The following PLD5 variants were observed in gnomAD, a reference collection of about 807,000 sequenced individuals.
The protein encoded by PLD5 is phospholipase D family member 5, also known as inactive phospholipase D5.
Under a neutral mutation model 61.1 loss-of-function variants are expected in PLD5, and 36 were observed. The ratio of observed to expected loss-of-function variants is 0.59; its 90% CI spans 0.45 to 0.78. PLD5 has a LOEUF of 0.78. PLD5 is among the 30% of genes least tolerant of loss of function. PLD5 has a pLI of 0.00. For missense variants in PLD5, 515 were observed against 644.4 expected (o/e 0.80, Z 2.17); for synonymous variants, 243 against 242.8 (o/e 1.00, Z -0.01).
At chr1:242,482,796 G>A (rs866004368) in intron 1 of PLD5, among the ~76,000 whole-genome samples, 126 of 152,284 alleles carry the variant, frequency 8.3e-4, no homozygotes, top group Middle Eastern at 6.8e-3. Flanking sequence ...AAATGTTAAG[G>A]GCAGCCAGAG....
intron 5 of PLD5, among the ~76,000 whole-genome samples, chr1:242,187,539 T>C (rs1003659125): frequency 5.3e-5 from 8 of 152,332 alleles, no homozygotes; most frequent in Non-Finnish European, 8.8e-5. Flanking sequence ...AAAATCTATA[T>C]GCAGATAGAA....
intron 1 of PLD5, among the ~76,000 whole-genome samples, chr1:242,470,036 G>A (rs1418717609): frequency 1.3e-5 from 2 of 152,120 alleles, no homozygotes; most frequent in East Asian, 1.9e-4. Context: ...AAACCAGATG[G>A]GTGCCAAGAA....
chr1:242,129,211 T>TA (rs1663045084), intron 5 of PLD5, among the ~76,000 whole-genome samples: 1 of 152,206 alleles, frequency 6.6e-6, no homozygotes, highest in South Asian at 2.1e-4. Flanking sequence ...TCGCATAAAC[T>TA]AAGCTGCTGA....
intron 5 of PLD5, among the ~76,000 whole-genome samples, chr1:242,209,690 A>G (rs971712092): frequency 6.6e-6 from 1 of 152,032 alleles, no homozygotes; most frequent in African/African-American, 2.4e-5. Context: ...TGGGCCGCCT[A>G]TTTCCTAAGA....
At chr1:242,140,676 A>C (rs1004393447) in intron 5 of PLD5, among the ~76,000 whole-genome samples, 4 of 152,194 alleles carry the variant, frequency 2.6e-5, no homozygotes, top group African/African-American at 9.7e-5. Flanking sequence ...TATTTTCTGG[A>C]AGGTGGTGCA....
chr1:242,162,121 G>A (rs960216758), intron 5 of PLD5, among the ~76,000 whole-genome samples: 2 of 152,098 alleles, frequency 1.3e-5, no homozygotes, highest in African/African-American at 4.8e-5. Context: ...TTAACAAGTT[G>A]GGGTTGGAAG....
At chr1:242,373,555 G>A (rs1251900107) in intron 1 of PLD5, among the ~76,000 whole-genome samples, 3 of 152,132 alleles carry the variant, frequency 2.0e-5, no homozygotes. Flanking sequence ...CAACCGAAAT[G>A]TCCATCAATG....
At chr1:242,480,461 G>T (rs1246716217) in intron 1 of PLD5, among the ~76,000 whole-genome samples, 1 of 151,532 alleles carries the variant, frequency 6.6e-6, no homozygotes, top group Admixed American at 6.6e-5. Flanking sequence ...TCTTAAAGAG[G>T]ATATAAACAA....
chr1:242,407,273 G>A (rs77660457), intron 1 of PLD5, among the ~76,000 whole-genome samples: 9,408 of 131,948 alleles, frequency 0.071, 376 homozygotes, highest in Middle Eastern at 0.19. Flanking sequence ...AGTTCACCAC[G>A]TGGAACTGTG....
At chr1:242,241,509 T>C (rs1276465901) in intron 4 of PLD5, among the ~76,000 whole-genome samples, 1 of 152,178 alleles carries the variant, frequency 6.6e-6, no homozygotes, top group Non-Finnish European at 1.5e-5. Flanking sequence ...ATTAGCTAAC[T>C]TCCTAGACTC....
chr1:242,529,411 CATT>C (rs1229278074), upstream of PLD5, among the ~76,000 whole-genome samples: 2 of 152,078 alleles, frequency 1.3e-5, no homozygotes, highest in Admixed American at 6.6e-5. Context: ...TCCTCAGAGG[CATT>C]ATATCACTTT....
At chr1:242,436,575 C>T (rs866158889) in intron 1 of PLD5, among the ~76,000 whole-genome samples, 7 of 152,244 alleles carry the variant, frequency 4.6e-5, no homozygotes, top group Non-Finnish European at 8.8e-5. Context: ...ATCCAAAGGA[C>T]ACAGACAAAA....
At chr1:242,116,510 C>T (rs1057279287) in intron 6 of PLD5, among the ~76,000 whole-genome samples, 15 of 152,130 alleles carry the variant, frequency 9.9e-5, no homozygotes, top group Non-Finnish European at 2.1e-4. Flanking sequence ...CAACTGATCC[C>T]GTCACCCAGG....
chr1:242,201,481 A>C (rs1240493635), intron 5 of PLD5, among the ~76,000 whole-genome samples: 1 of 152,098 alleles, frequency 6.6e-6, no homozygotes, highest in Non-Finnish European at 1.5e-5. Context: ...GGTCTGATGG[A>C]GACTCAGAGG....
intron 5 of PLD5, among the ~76,000 whole-genome samples, chr1:242,142,934 T>C (rs1664283432): frequency 6.6e-6 from 1 of 151,944 alleles, no homozygotes; most frequent in Non-Finnish European, 1.5e-5. Context: ...GCCAGGCTGC[T>C]CTTGAACTCC....
rs137887687 is a variant in PLD5, at chr1:242,110,047, A to T, written c.1071-2208T>A. On this transcript the variant is annotated intron_variant, in intron 7 of 9. Transcript: ENST00000536534. ...ACATTATATTATTATATTATTATAT[A>T]TAATATAGATATTATATTACTATAT... is the stretch of plus-strand genomic sequence containing the variant. Among the ~76,000 whole-genome samples, 6 of 147,462 alleles carry T rather than the reference A, an allele frequency of 4.1e-5. No homozygotes were observed. In the Admixed American group the frequency reaches 4.1e-4, roughly 10 times the overall value.
chr1:242,439,548 G>A (rs1294882557), intron 1 of PLD5, among the ~76,000 whole-genome samples: 18 of 152,244 alleles, frequency 1.2e-4, no homozygotes, highest in Middle Eastern at 3.4e-3. Flanking sequence ...AGCAGCTAGC[G>A]GTCCATAAAT....
chr1:242,437,508 C>T (rs957084609), intron 1 of PLD5, among the ~76,000 whole-genome samples: 1 of 152,052 alleles, frequency 6.6e-6, no homozygotes, highest in African/African-American at 2.4e-5. Flanking sequence ...ACCAGCCTGG[C>T]CAACATGGAA....
At chr1:242,090,241 T>C (rs765058152) in intron 9 of PLD5, 131 bp from the exon 10 acceptor site, 46 of 1,198,704 alleles carry the variant, frequency 3.8e-5, no homozygotes, top group Non-Finnish European at 5.2e-5. Context: ...GGCTGAATTG[T>C]GTTGACAGCT....
Sources: allele counts gnomAD v4.1 joint callset (sites outside exome capture counted in the v4.1 genomes callset), GRCh38; gene constraint gnomAD v4.1.1; transcripts MANE v1.5; gene names NCBI Gene and HGNC (gene_info 2026-07-23, HGNC 2026-07-21).